SPATA17: variants seen among roughly 807,000 people sequenced by gnomAD.
SPATA17 encodes the protein spermatogenesis associated 17.
Under a neutral mutation model 62.2 loss-of-function variants are expected in SPATA17, and 53 were observed. The ratio of observed to expected loss-of-function variants is 0.85; its 90% confidence interval spans 0.68 to 1.07. SPATA17 has a LOEUF of 1.07. SPATA17 is among the 50% of genes least tolerant of loss of function. The pLI, the probability that SPATA17 is intolerant of heterozygous loss-of-function variation, is 0.00. For missense variants in SPATA17, 466 were observed against 425.5 expected (o/e 1.10, Z -0.84); for synonymous variants, 146 against 146.8 (o/e 0.99, Z 0.04).
chr1:217,642,892 C>T (rs1355766960), intron 1 of SPATA17, among the ~76,000 whole-genome samples: 3 of 152,224 alleles, frequency 2.0e-5, no homozygotes, highest in East Asian at 3.9e-4. Context: ...AGTGTGAAAA[C>T]GGATGAATAA....
chr1:217,727,811 C>A (rs1672303165), intron 5 of SPATA17, among the ~76,000 whole-genome samples: 1 of 152,134 alleles, frequency 6.6e-6, no homozygotes. Flanking sequence ...CAGCATGAAT[C>A]TCACCTACAC....
At chr1:217,862,391 C>T (rs1337434649) in intron 9 of SPATA17, among the ~76,000 whole-genome samples, 1 of 152,150 alleles carries the variant, frequency 6.6e-6, no homozygotes, top group Non-Finnish European at 1.5e-5. Context: ...GGCTGTATCA[C>T]CTTTCCATTT....
chr1:217,757,858 A>G (rs1673085543), intron 6 of SPATA17, among the ~76,000 whole-genome samples: 1 of 152,204 alleles, frequency 6.6e-6, no homozygotes, highest in Admixed American at 6.5e-5. Flanking sequence ...AAGGAATAAA[A>G]TTAATGTAGG....
intron 6 of SPATA17, among the ~76,000 whole-genome samples, chr1:217,750,555 G>A (rs1434957360): frequency 2.6e-5 from 4 of 152,132 alleles, no homozygotes; most frequent in African/African-American, 7.2e-5. Context: ...TTCTTAATTC[G>A]TACATTCCCT....
intron 9 of SPATA17, among the ~76,000 whole-genome samples, chr1:217,846,306 TAAAAG>T (rs1015687368): frequency 1.3e-5 from 2 of 152,094 alleles, no homozygotes; most frequent in African/African-American, 2.4e-5. Flanking sequence ...AATGTTTTCA[TAAAAG>T]AAATCTACAA....
intron 9 of SPATA17, among the ~76,000 whole-genome samples, chr1:217,837,205 C>A (rs1257669976): frequency 6.6e-6 from 1 of 151,952 alleles, no homozygotes; most frequent in Middle Eastern, 3.2e-3. Context: ...GGGGAAGAAG[C>A]AAATTGATGA....
At chr1:217,634,726 T>G (rs1021917056) in intron 1 of SPATA17, among the ~76,000 whole-genome samples, 1 of 152,202 alleles carries the variant, frequency 6.6e-6, no homozygotes, top group African/African-American at 2.4e-5. Flanking sequence ...ATCTTTGTTT[T>G]AAACTATAAA....
chr1:217,772,683 G>A (rs558630806), intron 6 of SPATA17, among the ~76,000 whole-genome samples: 9 of 152,264 alleles, frequency 5.9e-5, no homozygotes, highest in South Asian at 4.1e-4. Flanking sequence ...TGAACTGTGC[G>A]TTGTTATTCT....
chr1:217,749,012 T>C lies in SPATA17; in HGVS notation c.519+6914T>C, dbSNP rs552567309. Among the ~76,000 whole-genome samples, 30 of 152,256 alleles carry C rather than the reference T, an allele frequency of 2.0e-4. 1 individual carries two copies. The South Asian group carries it at 5.0e-3, about 25-fold the overall frequency. ...ATTTGGAAAGTACCTTTGGAGAGGC[T>C]ATACCATTGCCTAATGTGTGGGTAT... On this transcript the variant is annotated intron_variant, in intron 6 of 10. Coordinates refer to ENST00000366933, the MANE Select transcript of SPATA17 (RefSeq NM_138796.4).
At chr1:217,772,324 C>T (rs1673469237) in intron 6 of SPATA17, among the ~76,000 whole-genome samples, 1 of 152,030 alleles carries the variant, frequency 6.6e-6, no homozygotes, top group South Asian at 2.1e-4. Flanking sequence ...TTTTTCCACA[C>T]AGTGTTTTTC....
intron 9 of SPATA17, among the ~76,000 whole-genome samples, chr1:217,831,395 C>G (rs1351196377): frequency 6.6e-6 from 1 of 152,102 alleles, no homozygotes; most frequent in African/African-American, 2.4e-5. Context: ...TTCATCTCCT[C>G]CCTGACACCT....
At chr1:217,640,964 CTA>C (rs1272562228) in intron 1 of SPATA17, among the ~76,000 whole-genome samples, 29 of 151,794 alleles carry the variant, frequency 1.9e-4, no homozygotes, top group Non-Finnish European at 1.5e-5. Flanking sequence ...TCTTTTTTCT[CTA>C]TGTTTTTCTG....
rs1261497387 is a variant in SPATA17 at position 217,868,013 on chromosome 1, T to C, written c.*994T>C. ...TGTTATAGGCCAAATGATCTGTTTCTTCAACAAATAAATTACAAAACTGAG... is the reference window on the plus strand; with the variant it reads ...TGTTATAGGCCAAATGATCTGTTTCCTCAACAAATAAATTACAAAACTGAG... On this transcript the variant is annotated 3_prime_UTR_variant, in exon 11 of 11. Transcript: ENST00000366933. 6.6e-6 allele frequency: 1 copy of C among 152,012 alleles called. No individual in the cohort carries two copies. Among genetic ancestry groups the C allele is most frequent in the Non-Finnish European group, 1.5e-5 (1 of 67,922 alleles). The allele number at this position is 152,012 out of a possible 1,614,324, so 9.4% of individuals were successfully genotyped here. A position where few individuals can be genotyped will look rare whatever the true frequency, so the allele number is the denominator to read the frequency against.
intron 5 of SPATA17, among the ~76,000 whole-genome samples, chr1:217,687,843 G>A (rs1671252176): frequency 6.6e-6 from 1 of 152,088 alleles, no homozygotes; most frequent in Non-Finnish European, 1.5e-5. Context: ...CCCGAGCTAA[G>A]TTTTTGTATT....
intron 3 of SPATA17, among the ~76,000 whole-genome samples, chr1:217,659,408 G>A (rs1003568373): frequency 1.3e-5 from 2 of 151,882 alleles, no homozygotes; most frequent in African/African-American, 4.8e-5. Context: ...AATAACAGAA[G>A]GTTGGTAAGG....
intron 5 of SPATA17, among the ~76,000 whole-genome samples, chr1:217,703,174 C>CTGTTTTTTTTTTTT (rs1671643588): frequency 9.5e-6 from 1 of 105,510 alleles, no homozygotes. Flanking sequence ...TGCGCTCGGC[C>CTGTTTTTTTTTTTT]TTTTTTTTTT....
intron 5 of SPATA17, among the ~76,000 whole-genome samples, chr1:217,740,275 G>A (rs1188378889): frequency 1.3e-5 from 2 of 151,242 alleles, no homozygotes; most frequent in Non-Finnish European, 1.5e-5. Context: ...CTTATATTTA[G>A]CATAATATGA....
At chr1:217,674,666 A>G (rs1233252478) in intron 4 of SPATA17, among the ~76,000 whole-genome samples, 2 of 152,210 alleles carry the variant, frequency 1.3e-5, no homozygotes, top group Non-Finnish European at 2.9e-5. Context: ...GGGTGTTACA[A>G]CATGCTAATT....
intron 9 of SPATA17, among the ~76,000 whole-genome samples, chr1:217,861,098 T>C (rs1675888801): frequency 6.6e-6 from 1 of 152,120 alleles, no homozygotes; most frequent in African/African-American, 2.4e-5. Context: ...AGATTATTCC[T>C]GATTCCTTCC....
Sources: allele counts gnomAD v4.1 joint callset (sites outside exome capture counted in the v4.1 genomes callset), GRCh38; gene constraint gnomAD v4.1.1; transcripts MANE v1.5; gene names NCBI Gene and HGNC (gene_info 2026-07-23, HGNC 2026-07-21).